The following PACS1 variants were observed in gnomAD, a reference collection of about 807,000 sequenced individuals.
The protein encoded by PACS1 is phosphofurin acidic cluster sorting protein 1, also known as PACS-1.
Under a neutral mutation model 115.0 loss-of-function variants are expected in PACS1, and 24 were observed. The ratio of observed to expected loss-of-function variants is 0.21; its 90% CI spans 0.15 to 0.29. The LOEUF (loss-of-function observed/expected upper bound fraction) is 0.29. PACS1 is among the 10% of genes least tolerant of loss of function. The pLI, the probability that PACS1 is intolerant of heterozygous loss-of-function variation, is 1.00. For missense variants in PACS1, 838 were observed against 1,251.2 expected (o/e 0.67, Z 4.98); for synonymous variants, 453 against 504.5 (o/e 0.90, Z 1.37).
At chr11:66,187,878 C>T (rs531670200) in intron 1 of PACS1, among the ~76,000 whole-genome samples, 3 of 152,150 alleles carry the variant, frequency 2.0e-5, no homozygotes, top group African/African-American at 7.2e-5. Flanking sequence ...TTTGAAGGAA[C>T]CTCCATGCTG....
In PACS1 at chr11:66,220,753, G is replaced by A; in HGVS notation, c.1161G>A (p.Glu387=). ...GCGACAGTGGCCCTGAGATGGAGGA[G>A]ACAGAAAGCATCCTCAGCACGCCAA... is the stretch of plus-strand genomic sequence containing the variant. ...NPSDSGPEME[E]TESILSTPKP... is the part of the protein sequence containing the mutation. Residue 387 remains glutamate (E), a synonymous_variant, in exon 9 of 24, where the codon GAG becomes GAA. Transcript: ENST00000320580. 4 of 1,614,078 alleles carry A rather than the reference G, an allele frequency of 2.5e-6. No homozygotes were observed. Among genetic ancestry groups the A allele is most frequent in the Non-Finnish European group, 3.4e-6 (4 of 1,180,006 alleles).
intron 1 of PACS1, among the ~76,000 whole-genome samples, chr11:66,073,821 A>G (rs1857352087): frequency 6.6e-6 from 1 of 151,430 alleles, no homozygotes; most frequent in African/African-American, 2.4e-5. Context: ...TGGCACAGTC[A>G]TAGCTCACTG....
intron 1 of PACS1, among the ~76,000 whole-genome samples, chr11:66,149,797 T>G (rs575221181): frequency 2.0e-5 from 3 of 152,216 alleles, no homozygotes; most frequent in African/African-American, 7.2e-5. Flanking sequence ...TTGCCCAGAC[T>G]GGAGTGCAGT....
intron 10 of PACS1, among the ~76,000 whole-genome samples, chr11:66,225,477 A>G (rs1176244802): frequency 1.3e-5 from 2 of 152,248 alleles, no homozygotes; most frequent in Non-Finnish European, 2.9e-5. Context: ...AATAGCCAGC[A>G]GGTGTCCTCT....
chr11:66,134,807 C>T (rs1398711384), intron 1 of PACS1, among the ~76,000 whole-genome samples: 1 of 152,150 alleles, frequency 6.6e-6, no homozygotes, highest in African/African-American at 2.4e-5. Flanking sequence ...CCAGCAATTA[C>T]TCACTTTTAT....
intron 11 of PACS1, among the ~76,000 whole-genome samples, chr11:66,228,792 T>C (rs1300315835): frequency 6.6e-6 from 1 of 152,208 alleles, no homozygotes; most frequent in East Asian, 1.9e-4. Context: ...ACGTTCTGTC[T>C]TGATCTGGTT....
At chr11:66,186,870 G>A (rs754986865) in intron 1 of PACS1, among the ~76,000 whole-genome samples, 1 of 152,144 alleles carries the variant, frequency 6.6e-6, no homozygotes, top group Non-Finnish European at 1.5e-5. Flanking sequence ...CGTTGCCGTT[G>A]TTGGCCAGAG....
rs943772689 is a variant in PACS1, at chr11:66,070,729, C to T, written c.243C>T (p.Ala81=). 6.4e-7 allele frequency: 1 copy of T among 1,568,314 alleles called. No homozygotes were observed. ...CCACCTCCATGGCCGTGGCGGTGGC[C>T]TCGGGCTCCGCGCCTCCCGGTGGCC... ...STSTSMAVAV[A]SGSAPPGGPG... The change falls in exon 1 of 24, where the codon GCC becomes GCT. Residue 81 remains alanine (A), a synonymous_variant. Transcript: ENST00000320580. This position sits in a 1 kb window ranked among gnomAD's most constrained non-coding sequence, Gnocchi z 5.9.
intron 1 of PACS1, among the ~76,000 whole-genome samples, chr11:66,118,789 A>G (rs1199730309): frequency 2.2e-4 from 33 of 151,062 alleles, no homozygotes; most frequent in Middle Eastern, 3.4e-3. Context: ...AAAAAAAAAA[A>G]AAAGAAAGAA....
chr11:66,219,608 C>T (rs1171569194), intron 7 of PACS1, 138 bp from the exon 8 acceptor site: 1 of 758,026 alleles, frequency 1.3e-6, no homozygotes, highest in Non-Finnish European at 2.4e-6. Flanking sequence ...CTTTGAGTGC[C>T]AAGGGCAGAG....
chr11:66,187,226 T>C (rs1854403360), intron 1 of PACS1, among the ~76,000 whole-genome samples: 1 of 152,168 alleles, frequency 6.6e-6, no homozygotes, highest in Non-Finnish European at 1.5e-5. Flanking sequence ...ATTCATGGGG[T>C]ACGTAGAGAT....
chr11:66,071,814 T>C (rs765532066), intron 1 of PACS1, among the ~76,000 whole-genome samples: 2 of 152,200 alleles, frequency 1.3e-5, no homozygotes, highest in African/African-American at 2.4e-5. Flanking sequence ...AAGTCAGAGT[T>C]AGAGAGGATT....
intron 1 of PACS1, among the ~76,000 whole-genome samples, chr11:66,148,785 G>A (rs980887813): frequency 2.0e-5 from 3 of 152,096 alleles, no homozygotes; most frequent in Non-Finnish European, 4.4e-5. Context: ...AATTAGCTGG[G>A]CATGTTGGCG....
At chr11:66,238,247 A>G in intron 19 of PACS1, 1 of 985,312 alleles carries the variant, frequency 1.0e-6, no homozygotes, top group Non-Finnish European at 1.2e-6. Flanking sequence ...TAGCACGTCC[A>G]CTTGGCTTTA....
At chr11:66,227,836 C>G (rs2134730026) in intron 11 of PACS1, among the ~76,000 whole-genome samples, 1 of 152,258 alleles carries the variant, frequency 6.6e-6, no homozygotes, top group African/African-American at 2.4e-5. Flanking sequence ...AAGAGCTGAC[C>G]AAATGCTAGC....
intron 1 of PACS1, among the ~76,000 whole-genome samples, chr11:66,096,439 C>T (rs1003118198): frequency 2.6e-5 from 4 of 151,238 alleles, no homozygotes; most frequent in African/African-American, 4.9e-5. Flanking sequence ...CATATCCATT[C>T]TCCTGTTGAT....
intron 2 of PACS1, among the ~76,000 whole-genome samples, chr11:66,208,640 C>A (rs1324206509): frequency 1.9e-4 from 27 of 138,512 alleles, no homozygotes; most frequent in Non-Finnish European, 3.6e-4. Flanking sequence ...CATAGTGAGA[C>A]CTCGTCTCTC....
intron 1 of PACS1, among the ~76,000 whole-genome samples, chr11:66,190,385 G>C (rs1854488539): frequency 6.6e-6 from 1 of 152,110 alleles, no homozygotes; most frequent in African/African-American, 2.4e-5. Flanking sequence ...ACAAAATTCA[G>C]TTAAACAATG....
chr11:66,132,989 C>A (rs1037001708), intron 1 of PACS1, among the ~76,000 whole-genome samples: 1 of 152,072 alleles, frequency 6.6e-6, no homozygotes, highest in African/African-American at 2.4e-5. Flanking sequence ...TATTTTTGAT[C>A]CATGGATATG....
Sources: allele counts gnomAD v4.1 joint callset (sites outside exome capture counted in the v4.1 genomes callset), GRCh38; gene constraint gnomAD v4.1.1; non-coding constraint Gnocchi (gnomAD v3.1); transcripts MANE v1.5; gene names NCBI Gene and HGNC (gene_info 2026-07-23, HGNC 2026-07-21).